SERINC5: variants seen among roughly 807,000 people sequenced by gnomAD.
SERINC5 encodes the protein chromosome 5 open reading frame 12.
In SERINC5, 41 loss-of-function variants were observed where a neutral mutation model predicts 63.1. That is an observed-to-expected ratio of 0.65 (90% CI 0.51 to 0.84). The LOEUF (loss-of-function observed/expected upper bound fraction) is 0.84, where lower values mean the gene tolerates loss of function less well. SERINC5 is among the 40% of genes least tolerant of loss of function. SERINC5 has a pLI of 0.00. For missense variants in SERINC5, 523 were observed against 573.0 expected, an observed-to-expected ratio of 0.91 and a Z score of 0.89; for synonymous variants, 222 against 215.2, an observed-to-expected ratio of 1.03 and a Z score of -0.28.
At chr5:80,151,022 T>G in intron 8 of SERINC5, 74 bp from the exon 9 acceptor site, 1 of 1,097,612 alleles carries the variant, frequency 9.1e-7, no homozygotes, top group South Asian at 1.2e-5. Flanking sequence ...GAAAGCCGGC[T>G]GGCCAGTGCT....
Position 80,142,760 on chromosome 5 carries a change from G to A in SERINC5, c.*903C>T, listed in dbSNP as rs1404065990. The A allele has an allele frequency of 9.1e-6, 9 of 985,434 alleles. No homozygotes were observed. The highest frequency in any genetic ancestry group is 3.5e-5 in the African/African-American group (2 of 57,362). The allele number at this position is 985,434 out of a possible 1,614,324, so 61.0% of individuals were successfully genotyped here. ...CAGTGCATGCAGCAGGCTTCAACAC[G>A]AAGCAGCTTTTCAGTTAAGGTCCTA... On this transcript the variant is annotated 3_prime_UTR_variant, in exon 12 of 12. Transcript: ENST00000507668.
intron 1 of SERINC5, among the ~76,000 whole-genome samples, chr5:80,250,083 A>G (rs1041029761): frequency 1.3e-5 from 2 of 152,190 alleles, no homozygotes; most frequent in African/African-American, 4.8e-5. Flanking sequence ...AGAGCTCAAC[A>G]GGGGGTTCAG....
chr5:80,246,626 A>C (rs1482841869), intron 1 of SERINC5, among the ~76,000 whole-genome samples: 1 of 152,228 alleles, frequency 6.6e-6, no homozygotes, highest in East Asian at 1.9e-4. Context: ...AAACATCAGC[A>C]ATTTTAATCT....
chr5:80,123,138 C>T (rs1365383491), intron 11 of SERINC5, among the ~76,000 whole-genome samples: 1 of 152,118 alleles, frequency 6.6e-6, no homozygotes, highest in Non-Finnish European at 1.5e-5. Context: ...CTCTCTTTCC[C>T]AGCCTGGAGT....
intron 9 of SERINC5, among the ~76,000 whole-genome samples, chr5:80,149,382 T>C (rs1425329939): frequency 0.053 from 5 of 94 alleles, no homozygotes; most frequent in African/African-American, 0.12. Flanking sequence ...GTGAATGATG[T>C]TGGCAGATGA....
Position 80,143,056 on chromosome 5 carries a change from T to G in SERINC5, c.*607A>C. 1.0e-6 allele frequency: 1 copy of G among 985,298 alleles called. No homozygotes were observed. Among genetic ancestry groups the G allele is most frequent in the Non-Finnish European group, 1.2e-6 (1 of 829,944 alleles). 61.0% of individuals were successfully genotyped at this position (985,298 alleles called of 1,614,324 possible). A position where few individuals can be genotyped will look rare whatever the true frequency, so the allele number is the denominator to read the frequency against. ...GGAAGGGTGCAGGCAGAGAGTGAAG[T>G]CTGTGATTCCCAGCATCACAACCTC... On this transcript the variant is annotated 3_prime_UTR_variant, in exon 12 of 12. Transcript: ENST00000507668.
At chr5:80,177,620 G>A (rs1360442913) in intron 3 of SERINC5, among the ~76,000 whole-genome samples, 3 of 152,140 alleles carry the variant, frequency 2.0e-5, no homozygotes, top group African/African-American at 7.2e-5. Flanking sequence ...TCATTGCAGG[G>A]GTGGAAATGA....
chr5:80,254,679 AC>A (rs1752569555), intron 1 of SERINC5, among the ~76,000 whole-genome samples: 1 of 152,178 alleles, frequency 6.6e-6, no homozygotes. Context: ...TAAGGTGGTG[AC>A]CATTCTCATT....
intron 1 of SERINC5, chr5:80,203,258 ATATATATATATATGTGTATATATAT>A (rs1367763470): frequency 5.9e-6 from 1 of 170,876 alleles, no homozygotes; most frequent in African/African-American, 3.3e-5. Flanking sequence ...ATATATACAC[ATATATATATATATGTGTATATATAT>A]TTATATATAT....
intron 5 of SERINC5, among the ~76,000 whole-genome samples, chr5:80,172,606 G>A (rs570557736): frequency 1.3e-5 from 2 of 149,380 alleles, no homozygotes; most frequent in Admixed American, 6.6e-5. Flanking sequence ...GATAATGACC[G>A]TCATATTCCT....
intron 1 of SERINC5, among the ~76,000 whole-genome samples, chr5:80,250,846 G>C (rs1356926323): frequency 4.6e-5 from 7 of 151,970 alleles, no homozygotes; most frequent in Non-Finnish European, 1.0e-4. Flanking sequence ...CCTGACTCTT[G>C]AGCCACCGCT....
At chr5:80,173,407 A>G (rs1747806752) in intron 5 of SERINC5, among the ~76,000 whole-genome samples, 1 of 152,132 alleles carries the variant, frequency 6.6e-6, no homozygotes, top group Admixed American at 6.5e-5. Flanking sequence ...CATCCTGGCT[A>G]ACACGGTGAA....
chr5:80,132,384 T>G (rs1428646077), intron 11 of SERINC5, among the ~76,000 whole-genome samples: 1 of 152,206 alleles, frequency 6.6e-6, no homozygotes, highest in Non-Finnish European at 1.5e-5. Context: ...ACTCCTTAGC[T>G]AATCATCTGT....
chr5:80,140,052 G>T lies in SERINC5; in HGVS notation c.*3611C>A, dbSNP rs1425390631. 1 of 985,106 alleles carries T rather than the reference G, an allele frequency of 1.0e-6. No individual in the cohort carries two copies. The highest frequency in any genetic ancestry group is 6.2e-5 in the Admixed American group (1 of 16,246). 61.0% of individuals were successfully genotyped at this position (985,106 alleles called of 1,614,324 possible). A position where few individuals can be genotyped will look rare whatever the true frequency, so the allele number is the denominator to read the frequency against. ...ATCTTAAAAAGGCAGAGGGTAGGCT[G>T]CGTGCAGTGGTTTACGCCTATAATC... On this transcript the variant is annotated 3_prime_UTR_variant, in exon 12 of 12. Coordinates refer to ENST00000507668, the MANE Select transcript of SERINC5 (RefSeq NM_001174072.3).
At chr5:80,234,652 C>T (rs1249311662) in intron 1 of SERINC5, among the ~76,000 whole-genome samples, 1 of 152,090 alleles carries the variant, frequency 6.6e-6, no homozygotes, top group Non-Finnish European at 1.5e-5. Flanking sequence ...AAACAAATGC[C>T]CCCAACGTTA....
chr5:80,177,546 G>C (rs913540104), intron 3 of SERINC5, 149 bp from the exon 4 acceptor site: 2 of 686,996 alleles, frequency 2.9e-6, no homozygotes, highest in Non-Finnish European at 5.0e-6. Flanking sequence ...TAGGTGACTT[G>C]AAGAATGCTT....
intron 2 of SERINC5, among the ~76,000 whole-genome samples, chr5:80,190,953 G>A (rs1015217106): frequency 0.017 from 2 of 118 alleles, no homozygotes; most frequent in Admixed American, 0.045. Flanking sequence ...CTTCTTCCTG[G>A]ATCACCAAAT....
intron 8 of SERINC5, 81 bp from the exon 9 acceptor site, chr5:80,151,029 T>TGCTCCGAC: frequency 1.0e-6 from 1 of 995,740 alleles, no homozygotes; most frequent in Non-Finnish European, 1.6e-6. Flanking sequence ...GGCTGGCCAG[T>TGCTCCGAC]GCTCCGACGA....
chr5:80,219,662 C>T (rs777556058), intron 1 of SERINC5, among the ~76,000 whole-genome samples: 2 of 152,170 alleles, frequency 1.3e-5, no homozygotes, highest in Non-Finnish European at 2.9e-5. Flanking sequence ...CACCAGCTGC[C>T]TCGATGGCAC....
Sources: gnomAD v4.1 joint callset for allele counts (sites outside exome capture counted in the v4.1 genomes callset) on GRCh38, gnomAD v4.1.1 for gene constraint, MANE v1.5 for transcripts, NCBI Gene and HGNC (gene_info 2026-07-23, HGNC 2026-07-21) for gene names.